The following ABCB5 variants were observed in gnomAD, a reference collection of about 807,000 sequenced individuals.
The protein encoded by ABCB5 is ATP-binding cassette sub-family B member 5.
A neutral mutation model predicts 144.2 loss-of-function variants in ABCB5; 155 were observed. The observed-to-expected ratio is 1.08, with a 90% CI of 0.94 to 1.23. ABCB5 has a LOEUF of 1.23. ABCB5 is among the 50% of genes most tolerant of loss of function. The pLI is 0.00. For synonymous variants in ABCB5, 610 were observed against 528.6 expected, an observed-to-expected ratio of 1.15 and a Z score of -2.11; for missense variants, 1,830 against 1,520.8, an observed-to-expected ratio of 1.20 and a Z score of -3.38.
intron 23 of ABCB5, among the ~76,000 whole-genome samples, chr7:20,732,214 C>T (rs1782243294): frequency 6.6e-6 from 1 of 152,118 alleles, no homozygotes; most frequent in Non-Finnish European, 1.5e-5. Flanking sequence ...GGTCATTCCC[C>T]AGGGCTTTGC....
intron 14 of ABCB5, among the ~76,000 whole-genome samples, chr7:20,674,630 C>A (rs1206771884): frequency 5.3e-5 from 8 of 150,588 alleles, no homozygotes; most frequent in Non-Finnish European, 1.5e-5. Context: ...TTGCATTCAA[C>A]AAAGTCCTGA....
At chr7:20,676,082 T>C (rs958385172) in intron 14 of ABCB5, among the ~76,000 whole-genome samples, 1 of 151,546 alleles carries the variant, frequency 6.6e-6, no homozygotes, top group Non-Finnish European at 1.5e-5. Flanking sequence ...AAGTAAAAAG[T>C]TGCAGTCTCT....
At chr7:20,629,145 C>CGTGTGTGT (rs149986314) in intron 4 of ABCB5, among the ~76,000 whole-genome samples, 23,858 of 134,940 alleles carry the variant, frequency 0.18, 2,434 homozygotes, top group Middle Eastern at 0.21. Flanking sequence ...AGAGAGACTG[C>CGTGTGTGT]GTGTGTGTGT....
intron 23 of ABCB5, among the ~76,000 whole-genome samples, chr7:20,738,658 A>G (rs1583462155): frequency 6.6e-6 from 1 of 152,302 alleles, no homozygotes; most frequent in Non-Finnish European, 1.5e-5. Flanking sequence ...ATTCTCTGTC[A>G]AATCTCCAAG....
chr7:20,704,470 A>G (rs557995449), intron 19 of ABCB5, among the ~76,000 whole-genome samples: 1 of 152,298 alleles, frequency 6.6e-6, no homozygotes, highest in Admixed American at 6.5e-5. Flanking sequence ...TTTTAATTCA[A>G]CATTGATTAT....
At chr7:20,616,088 T>G (rs894723852) in intron 1 of ABCB5, among the ~76,000 whole-genome samples, 3 of 152,196 alleles carry the variant, frequency 2.0e-5, no homozygotes, top group African/African-American at 7.2e-5. Context: ...CAGGCTGGAG[T>G]GCAGTGGCAC....
chr7:20,653,160 C>T (rs1183175404), intron 13 of ABCB5, among the ~76,000 whole-genome samples: 1 of 152,186 alleles, frequency 6.6e-6, no homozygotes, highest in African/African-American at 2.4e-5. Context: ...TTTCTGATGC[C>T]TCTTAAATCA....
intron 20 of ABCB5, among the ~76,000 whole-genome samples, chr7:20,707,867 G>C (rs1304730283): frequency 7.4e-6 from 1 of 134,456 alleles, no homozygotes; most frequent in East Asian, 2.1e-4. Flanking sequence ...GCAGTGGCGC[G>C]ATCTCGGCTC....
chr7:20,753,764 C>A (rs192757885), intron 27 of ABCB5, among the ~76,000 whole-genome samples: 9 of 152,096 alleles, frequency 5.9e-5, no homozygotes, highest in African/African-American at 2.2e-4. Flanking sequence ...AAAAGTGGAC[C>A]AATTTTCAAA....
In ABCB5 at chr7:20,700,147, G is replaced by A; in HGVS notation, c.2337+12G>A. ...CCATGTTATATCAGGTCAGTGATAA[G>A]TTGATTTTTTTTTTATTTTATTTAA... is the stretch of plus-strand genomic sequence containing the variant. On this transcript the variant is annotated intron_variant, in intron 19 of 27. Transcript: ENST00000404938. 1 of 1,467,818 alleles carries A rather than the reference G, an allele frequency of 6.8e-7. No individual in the cohort carries two copies. The highest frequency in any genetic ancestry group is 1.3e-5 in the South Asian group (1 of 79,832). The allele number at this position is 1,467,818 out of a possible 1,614,324, so 90.9% of individuals were successfully genotyped here. A position where few individuals can be genotyped will look rare whatever the true frequency, so the allele number is the denominator to read the frequency against.
chr7:20,627,575 A>G (rs1300841952), intron 3 of ABCB5, among the ~76,000 whole-genome samples: 1 of 152,144 alleles, frequency 6.6e-6, no homozygotes, highest in Non-Finnish European at 1.5e-5. Context: ...TTTTGGACAG[A>G]TGCTATGGGG....
chr7:20,698,336 G>GTGTCTAGTGAA (rs1786494134), intron 16 of ABCB5, 71 bp from the exon 17 acceptor site: 2 of 1,326,772 alleles, frequency 1.5e-6, no homozygotes, highest in African/African-American at 1.5e-5. Flanking sequence ...TTCTGTTTAT[G>GTGTCTAGTGAA]ATGGGCTAAC....
intron 14 of ABCB5, chr7:20,659,083 A>G: frequency 6.2e-7 from 1 of 1,613,924 alleles, no homozygotes; most frequent in Non-Finnish European, 8.5e-7. Flanking sequence ...CCAGGTATTC[A>G]TTTTGACCTA....
chr7:20,667,438 C>A (rs746021378), intron 14 of ABCB5: 36 of 985,402 alleles, frequency 3.7e-5, no homozygotes, highest in Non-Finnish European at 4.1e-5. Context: ...AATTCTCAGA[C>A]CTTTTCTAGT....
At chr7:20,666,749 T>G (rs1436726312) in intron 14 of ABCB5, 1 of 1,598,716 alleles carries the variant, frequency 6.3e-7, no homozygotes, top group Admixed American at 1.7e-5. Flanking sequence ...TTCAATATTG[T>G]ATTTTCTAGA....
In ABCB5 at chr7:20,628,803, A is replaced by T. The variant is rs566815743; in HGVS notation, c.224A>T (p.Asn75Ile). 2.9e-5 allele frequency: 46 copies of T among 1,613,760 alleles called. No homozygotes were observed. The highest frequency in any genetic ancestry group is 1.7e-4 in the African/African-American group (13 of 75,028). Residue 75 changes from asparagine to isoleucine, a missense_variant, in exon 4 of 28, where the codon AAC becomes ATC. Physicochemically the swap from Asn to Ile is moderately radical, Grantham distance 149. Coordinates refer to ENST00000404938, the MANE Select transcript of ABCB5 (RefSeq NM_001163941.2). ...CTGGTTTTAGGAGAAATGAGTGATA[A>T]CCTTATTAGTGGATGTCTAGTCCAA... Reference protein sequence around the residue: ...MPLVLGEMSDNLISGCLVQTN... With the variant: ...MPLVLGEMSDILISGCLVQTN...
chr7:20,636,265 G>T (rs1484883278), intron 5 of ABCB5, among the ~76,000 whole-genome samples: 2 of 151,992 alleles, frequency 1.3e-5, no homozygotes, highest in East Asian at 3.9e-4. Flanking sequence ...TTAAAGCAGG[G>T]CTCTGATGTA....
intron 20 of ABCB5, among the ~76,000 whole-genome samples, chr7:20,711,848 T>TTTCTTTCTTTC (rs1562573823): frequency 3.2e-5 from 2 of 62,306 alleles, no homozygotes; most frequent in Non-Finnish European, 2.9e-5. Flanking sequence ...TTCTTTCTTT[T>TTTCTTTCTTTC]CTTTCTTTCT....
Position 20,643,319 on chromosome 7 carries a change from G to C in ABCB5, c.450G>C (p.Gln150His). 2 of 1,613,984 alleles carry C rather than the reference G, an allele frequency of 1.2e-6. No individual in the cohort carries two copies. Among genetic ancestry groups the C allele is most frequent in the Non-Finnish European group, 1.7e-6 (2 of 1,179,886 alleles). Residue 150 changes from glutamine to histidine, a missense_variant, in exon 6 of 28, where the codon CAG becomes CAC. By Grantham distance (24) the Gln-to-His change is conservative. Coordinates refer to ENST00000404938, the MANE Select transcript of ABCB5 (RefSeq NM_001163941.2). ...AGTTTTTTCATTCAGTTTTGGCACAGGACATCGGCTGGTTTGATAGCTGTG... is the reference window on the plus strand; with the variant it reads ...AGTTTTTTCATTCAGTTTTGGCACACGACATCGGCTGGTTTGATAGCTGTG... ...RKQFFHSVLA[Q>H]DIGWFDSCDI...
Sources: gnomAD v4.1 joint callset for allele counts (sites outside exome capture counted in the v4.1 genomes callset) on GRCh38, gnomAD v4.1.1 for gene constraint, MANE v1.5 for transcripts, NCBI Gene and HGNC (gene_info 2026-07-23, HGNC 2026-07-21) for gene names.